The following FGF12 variants were observed in gnomAD, a reference collection of about 807,000 sequenced individuals.
The protein encoded by FGF12 is fibroblast growth factor 12.
FGF12 carries 14 observed loss-of-function variants against 23.6 expected under a neutral mutation model. That is an observed-to-expected ratio of 0.59 (90% CI 0.39 to 0.93). FGF12 has a LOEUF of 0.93. Among genes scored for constraint, FGF12 ranks in the 40% least tolerant of loss-of-function variants. FGF12 has a pLI of 0.00. For missense variants in FGF12, 175 were observed against 217.8 expected, an observed-to-expected ratio of 0.80 and a Z score of 1.24; for synonymous variants, 62 against 77.3, an observed-to-expected ratio of 0.80 and a Z score of 1.04.
intron 4 of FGF12, among the ~76,000 whole-genome samples, chr3:192,311,729 T>C (rs1476744180): frequency 2.6e-5 from 4 of 152,232 alleles, no homozygotes; most frequent in Non-Finnish European, 4.4e-5. Flanking sequence ...CCAGACTGTC[T>C]TACAAAATGC....
rs143636410 is a variant in FGF12 at position 192,353,996 on chromosome 3, T to C, written c.124+6432A>G. Among the ~76,000 whole-genome samples, 18 of 152,374 alleles carry C rather than the reference T, an allele frequency of 1.2e-4. No homozygotes were observed. In the East Asian group the frequency reaches 3.1e-3, roughly 26 times the overall value. ...ACCATTTGGATCATACTTCTGTTCA[T>C]AGTTTAGCAATAAAAGCTTCTGCTG... On this transcript the variant is annotated intron_variant, in intron 3 of 5. Transcript: ENST00000445105.
chr3:192,661,083 G>A (rs1287510171), intron 2 of FGF12, among the ~76,000 whole-genome samples: 1 of 152,060 alleles, frequency 6.6e-6, no homozygotes, highest in Non-Finnish European at 1.5e-5. Context: ...TAAGGTTAGG[G>A]ATGATGATAA....
intron 2 of FGF12, among the ~76,000 whole-genome samples, chr3:192,577,825 G>A (rs757874537): frequency 6.6e-6 from 1 of 152,136 alleles, no homozygotes; most frequent in Non-Finnish European, 1.5e-5. Context: ...TAGTTTATAG[G>A]TTGAATAAAC....
chr3:192,455,664 A>G (rs1722658626), intron 2 of FGF12, among the ~76,000 whole-genome samples: 1 of 152,232 alleles, frequency 6.6e-6, no homozygotes, highest in East Asian at 1.9e-4. Flanking sequence ...TAACATTATC[A>G]ATAACTGAAT....
At chr3:192,636,753 C>G (rs1715598859) in intron 2 of FGF12, among the ~76,000 whole-genome samples, 1 of 152,200 alleles carries the variant, frequency 6.6e-6, no homozygotes, top group Non-Finnish European at 1.5e-5. Flanking sequence ...CCTGATGACT[C>G]AGGCACTCAG....
chr3:192,372,830 G>A (rs763882434), intron 2 of FGF12, among the ~76,000 whole-genome samples: 6 of 152,246 alleles, frequency 3.9e-5, no homozygotes, highest in South Asian at 4.1e-4. Context: ...TAGCATGGCC[G>A]GGAGAGCTTT....
rs72495238 is a variant in FGF12, at chr3:192,165,517, ATTTT to A, written c.427+4937_427+4940del. Among the ~76,000 whole-genome samples, 543 of 145,758 alleles carry A rather than the reference ATTTT, an allele frequency of 3.7e-3. 2 individuals carry two copies. Among genetic ancestry groups the A allele is most frequent in the African/African-American group, 0.011 (441 of 39,796 alleles). On this transcript the variant is annotated intron_variant, in intron 5 of 5. Coordinates refer to ENST00000445105, the MANE Select transcript of FGF12 (RefSeq NM_004113.6). ...AGAACTTTAGAAATCATCTGGTCCA[ATTTT>A]TTTTTTTTTTTTTGCTGAGTGGAAA...
intron 4 of FGF12, among the ~76,000 whole-genome samples, chr3:192,288,402 C>T (rs1486089641): frequency 3.3e-5 from 5 of 151,936 alleles, no homozygotes. Context: ...ATCTATTCTC[C>T]CGAAGGATTC....
rs1712180609 is a variant in FGF12, at chr3:192,253,612, C to T, written c.228+81749G>A. ...TTTAAAAAATTGAAAAAAGAAAAGGCTGGATGTGGCTAAAGTTTGTGGTTT... is the reference window on the plus strand; with the variant it reads ...TTTAAAAAATTGAAAAAAGAAAAGGTTGGATGTGGCTAAAGTTTGTGGTTT... On this transcript the variant is annotated intron_variant, in intron 4 of 5. Transcript: ENST00000445105. 2.6e-5 allele frequency among the ~76,000 whole-genome samples: 4 copies of T among 152,084 alleles called. No homozygotes were observed. In the South Asian group the frequency reaches 8.3e-4, roughly 32 times the overall value.
chr3:192,346,595 A>G (rs560028638), intron 3 of FGF12, among the ~76,000 whole-genome samples: 21 of 152,318 alleles, frequency 1.4e-4, no homozygotes, highest in Non-Finnish European at 1.9e-4. Context: ...GAATTGTATC[A>G]GATTCATTTT....
chr3:192,372,011 T>C (rs1299477679), intron 2 of FGF12, among the ~76,000 whole-genome samples: 2 of 152,144 alleles, frequency 1.3e-5, no homozygotes, highest in African/African-American at 4.8e-5. Flanking sequence ...CAGACATAGC[T>C]TTTGGCCTCC....
At chr3:192,253,333 G>A (rs2108609244) in intron 4 of FGF12, among the ~76,000 whole-genome samples, 1 of 152,070 alleles carries the variant, frequency 6.6e-6, no homozygotes, top group African/African-American at 2.4e-5. Context: ...AGGGAAGGAG[G>A]AAATAAGATG....
At position 192,658,312 on chromosome 3, in the gene FGF12, T is replaced by A. The variant is rs145458988; in HGVS notation, c.13+68869A>T. Among the ~76,000 whole-genome samples the A allele has an allele frequency of 8.2e-3, 1,250 of 152,354 alleles. 20 individuals are homozygous for A. The highest frequency in any genetic ancestry group is 0.029 in the African/African-American group (1,218 of 41,570). On this transcript the variant is annotated intron_variant, in intron 2 of 5. Transcript: ENST00000445105. ...TGCCAGTGGTCAGGTACCCAGAACT[T>A]GGCATATCAGACTGCTGCATTGCTT...
Position 192,514,614 on chromosome 3 carries a change from G to A in FGF12, c.14-154076C>T. 1 of 838,028 alleles carries A rather than the reference G, an allele frequency of 1.2e-6. No homozygotes were observed. The highest frequency in any genetic ancestry group is 1.2e-4 in the East Asian group (1 of 8,108). The allele number at this position is 838,028 out of a possible 1,614,324, so 51.9% of individuals were successfully genotyped here. A position where few individuals can be genotyped will look rare whatever the true frequency, so the allele number is the denominator to read the frequency against. ...GGCGGCGGAGAGGGCCCCGGAAGAA[G>A]GGAAGGGGGCATTCTGCAGTGTTTG... On this transcript the variant is annotated intron_variant, in intron 2 of 5. Coordinates refer to ENST00000445105, the MANE Select transcript of FGF12 (RefSeq NM_004113.6). The surrounding 1 kb of genome is among the most constrained non-coding windows in gnomAD (Gnocchi z 4.9).
chr3:192,619,632 C>T (rs1407968525), intron 2 of FGF12, among the ~76,000 whole-genome samples: 1 of 152,102 alleles, frequency 6.6e-6, no homozygotes, highest in African/African-American at 2.4e-5. Context: ...ATTTTAGAAT[C>T]CAAGTAGTAA....
chr3:192,632,014 C>T (rs1242218360), intron 2 of FGF12, among the ~76,000 whole-genome samples: 1 of 152,190 alleles, frequency 6.6e-6, no homozygotes, highest in East Asian at 1.9e-4. Context: ...GAACCCAACT[C>T]ATAGTTCTCT....
intron 2 of FGF12, among the ~76,000 whole-genome samples, chr3:192,522,197 CA>C (rs369925460): frequency 0.86 from 121,438 of 140,848 alleles, 51,983 homozygotes; most frequent in Non-Finnish European, 0.9. Context: ...GACTCCGTCT[CA>C]AAAAAAAAAA....
intron 4 of FGF12, among the ~76,000 whole-genome samples, chr3:192,193,941 A>G (rs776236032): frequency 1.3e-5 from 2 of 152,188 alleles, no homozygotes; most frequent in Non-Finnish European, 2.9e-5. Flanking sequence ...TTTCTACCAA[A>G]TATACATACT....
At chr3:192,404,799 T>C (rs931671735) in intron 2 of FGF12, among the ~76,000 whole-genome samples, 5 of 152,204 alleles carry the variant, frequency 3.3e-5, no homozygotes, top group African/African-American at 7.2e-5. Context: ...TAGCTGCCTA[T>C]AGGTCTTCAA....
Sources: gnomAD v4.1 joint callset for allele counts (sites outside exome capture counted in the v4.1 genomes callset) on GRCh38, gnomAD v4.1.1 for gene constraint, Gnocchi (gnomAD v3.1) non-coding constraint, MANE v1.5 for transcripts, NCBI Gene and HGNC (gene_info 2026-07-23, HGNC 2026-07-21) for gene names.